ERCC2: variants seen among roughly 807,000 people sequenced by gnomAD.
The protein encoded by ERCC2 is ERCC excision repair 2, TFIIH core complex helicase subunit.
ERCC2 carries 90 observed loss-of-function variants against 99.4 expected under a neutral mutation model. The observed-to-expected ratio is 0.91, with a 90% CI of 0.76 to 1.08. ERCC2 has a LOEUF of 1.08. ERCC2 is among the 50% of genes least tolerant of loss of function. ERCC2 has a pLI of 0.00. For synonymous variants in ERCC2, 497 were observed against 432.4 expected, an observed-to-expected ratio of 1.15 and a Z score of -1.85; for missense variants, 993 against 1,038.1, an observed-to-expected ratio of 0.96 and a Z score of 0.60.
rs767619279 is a variant in ERCC2 at position 45,352,729 on chromosome 19, GAGAC to G, written c.1902+13_1902+16del. The G allele has an allele frequency of 1.2e-6, 2 of 1,614,024 alleles. No homozygotes were observed. The highest frequency in any genetic ancestry group is 1.7e-6 in the Non-Finnish European group (2 of 1,179,968). On this transcript the variant is annotated intron_variant, in intron 20 of 22. Transcript: ENST00000391945. ...ATCCTAACACTGTGGGACTCCCTGG[GAGAC>G]AGAGCTACTCACCTTGAGAATGCGG...
intron 5 of ERCC2, 118 bp from the exon 6 acceptor site, chr19:45,365,276 T>C (rs1972387079): frequency 1.3e-6 from 1 of 776,486 alleles, no homozygotes; most frequent in Non-Finnish European, 2.3e-6. Flanking sequence ...CTCAGTCTGT[T>C]GCATTATTAG....
chr19:45,352,401 G>A lies in ERCC2; in HGVS notation c.2047-49C>T, dbSNP rs369098698. 5.6e-6 allele frequency: 9 copies of A among 1,613,706 alleles called. No homozygotes were observed. The African/African-American group carries it at 1.2e-4, about 22-fold the overall frequency. ...GGACAGAAGGTCATTCGGGGAGCCT[G>A]GGCCACTCTCCACCCTGCAACCCAC... On this transcript the variant is annotated intron_variant, in intron 21 of 22. Transcript: ENST00000391945.
intron 12 of ERCC2, among the ~76,000 whole-genome samples, chr19:45,359,593 T>C (rs2123263794): frequency 6.6e-6 from 1 of 152,270 alleles, no homozygotes; most frequent in South Asian, 2.1e-4. Context: ...CCTCTACTCC[T>C]CTTGTCCCTG....
Position 45,351,662 on chromosome 19 carries a change from C to G in ERCC2, c.2250G>C (p.Leu750=), listed in dbSNP as rs201249108. 6.8e-6 allele frequency: 11 copies of G among 1,614,044 alleles called. No individual in the cohort carries two copies. In the East Asian group the frequency reaches 2.5e-4, roughly 36 times the overall value. The change falls in exon 23 of 23, where the codon CTG becomes CTC. Residue 750 remains leucine, a synonymous_variant. Coordinates refer to ENST00000391945, the MANE Select transcript of ERCC2 (RefSeq NM_000400.4). The part of the protein sequence containing the change: ...SLEQLESEET[L]KRIEQIAQQL The stretch of plus-strand genomic sequence containing the variant: ...GCTGAGCAATCTGCTCTATCCTCTT[C>G]AGCGTCTCCTCTGATTCTAGCTGCT...
At position 45,368,674 on chromosome 19, in the gene ERCC2, C is replaced by G; in HGVS notation, c.316G>C (p.Gly106Arg). ...TTTTTGCGGGAGCTCAGAGCCAGTC[C>G]CAGAAACGGCAGCTTCTCGCCCTCC... Reference protein sequence around the residue: ...KQEGEKLPFLGLALSSRKNLC... With the variant: ...KQEGEKLPFLRLALSSRKNLC... Residue 106 changes from glycine (G) to arginine (R), a missense_variant, in exon 5 of 23, where the codon GGA becomes CGA. Gly to Arg is a moderately radical substitution (Grantham distance 125, BLOSUM62 -2). Around this residue, in one of 3 missense-constraint regions of ERCC2, gnomAD observed 909 missense variants for 930.8 expected, o/e 0.98. Transcript: ENST00000391945. 1 of 1,614,142 alleles carries G rather than the reference C, an allele frequency of 6.2e-7. No individual in the cohort carries two copies. Among genetic ancestry groups the G allele is most frequent in the Non-Finnish European group, 8.5e-7 (1 of 1,179,994 alleles).
At chr19:45,365,555 G>C (rs1317131432) in intron 5 of ERCC2, among the ~76,000 whole-genome samples, 2 of 152,128 alleles carry the variant, frequency 1.3e-5, no homozygotes, top group African/African-American at 4.8e-5. Flanking sequence ...AGGTTGCAGT[G>C]AGCAGAGATC....
At position 45,370,203 on chromosome 19, in the gene ERCC2, A is replaced by G; in HGVS notation, c.35T>C (p.Phe12Ser). The change falls in exon 2 of 23, where the codon TTC becomes TCC. Residue 12 changes from phenylalanine to serine, a missense_variant. Phe to Ser is a radical substitution (Grantham distance 155, BLOSUM62 -2). Transcript: ENST00000391945. ...CTCGGGGTAGATGTAGTCGTACGGG[A>G]AGTAGACCAGGAGCCCGTCCACGTT... ...KLNVDGLLVY[F>S]PYDYIYPEQF... is the part of the protein sequence containing the mutation. 6.2e-7 allele frequency: 1 copy of G among 1,613,386 alleles called. No homozygotes were observed. The highest frequency in any genetic ancestry group is 8.5e-7 in the Non-Finnish European group (1 of 1,179,514).
rs1162235840 is a variant in ERCC2, at chr19:45,363,846, A to T, written c.1015T>A (p.Tyr339Asn). 6.5e-7 allele frequency: 1 copy of T among 1,548,800 alleles called. No individual in the cohort carries two copies. Among genetic ancestry groups the T allele is most frequent in the Non-Finnish European group, 8.7e-7 (1 of 1,154,022 alleles). The change falls in exon 11 of 23, where the codon TAC (tyrosine) becomes AAC (asparagine). Residue 339 changes from tyrosine (Y) to asparagine (N), a missense_variant. Coordinates refer to ENST00000391945, the MANE Select transcript of ERCC2 (RefSeq NM_000400.4). ...FLGFLRRLLE[Y>N]VKWRLRVQHV... ...TGCACACGCAGCCGCCACTTCACGT[A>T]CTCCAGCAGCCGCCTCAGGAAGCCC...
chr19:45,365,957 C>G (rs1972413215), intron 5 of ERCC2, among the ~76,000 whole-genome samples: 1 of 152,106 alleles, frequency 6.6e-6, no homozygotes, highest in Non-Finnish European at 1.5e-5. Flanking sequence ...CCCACTCAGC[C>G]TCCCGAGTAG....
chr19:45,349,901 C>G lies in ERCC2; in HGVS notation c.*1728G>C, dbSNP rs192908789. The G allele has an allele frequency of 2.6e-5, 12 of 457,602 alleles. No homozygotes were observed. In the East Asian group the frequency reaches 3.6e-4, roughly 14 times the overall value. 28.3% of individuals were successfully genotyped at this position (457,602 alleles called of 1,614,324 possible). A position where few individuals can be genotyped will look rare whatever the true frequency, so the allele number is the denominator to read the frequency against. ...TCCCCTCTTAGCCCGGTCCCCACAT[C>G]GCTAGTTCTTATAGCGTCCCTATGA... is the stretch of plus-strand genomic sequence containing the variant. On this transcript the variant is annotated 3_prime_UTR_variant, in exon 23 of 23. Coordinates refer to ENST00000391945, the MANE Select transcript of ERCC2 (RefSeq NM_000400.4).
intron 12 of ERCC2, among the ~76,000 whole-genome samples, chr19:45,359,436 CG>C (rs961205117): frequency 1.9e-4 from 29 of 152,240 alleles, no homozygotes; most frequent in African/African-American, 6.5e-4. Context: ...ACATGAGGCC[CG>C]ATCTGGTTTC....
At chr19:45,355,813 G>GA in intron 15 of ERCC2, 85 bp from the exon 16 acceptor site, 1 of 827,042 alleles carries the variant, frequency 1.2e-6, no homozygotes, top group Non-Finnish European at 1.9e-6. Flanking sequence ...GCTGTTCTAA[G>GA]CTTTTTTTTT....
intron 16 of ERCC2, 116 bp from the exon 17 acceptor site, chr19:45,354,967 T>C (rs1971962456): frequency 1.5e-6 from 2 of 1,331,666 alleles, no homozygotes; most frequent in Non-Finnish European, 2.2e-6. Context: ...TTTTCACACA[T>C]ATCCCCCTCC....
chr19:45,370,078 C>T (rs1972553185), intron 2 of ERCC2, 55 bp downstream of exon 2: 1 of 1,561,276 alleles, frequency 6.4e-7, no homozygotes, highest in African/African-American at 1.4e-5. Context: ...GTCTTAGGCC[C>T]AGGCGTGGCA....
chr19:45,357,770 C>A, intron 12 of ERCC2, 71 bp from the exon 13 acceptor site: 1 of 1,365,530 alleles, frequency 7.3e-7, no homozygotes, highest in Non-Finnish European at 1.0e-6. Context: ...CAGTCATTCC[C>A]TCTCCTGCTC....
intron 11 of ERCC2, among the ~76,000 whole-genome samples, chr19:45,363,257 G>C (rs1282298583): frequency 6.6e-6 from 1 of 152,090 alleles, no homozygotes; most frequent in African/African-American, 2.4e-5. Context: ...TGGAAGATTA[G>C]AGGCATCGGT....
intron 16 of ERCC2, among the ~76,000 whole-genome samples, chr19:45,355,128 G>A (rs561577108): frequency 1.1e-4 from 17 of 152,318 alleles, no homozygotes; most frequent in Non-Finnish European, 1.5e-4. Flanking sequence ...AGGCCGAGGC[G>A]GGTGGATCAT....
chr19:45,352,352 G>C lies in ERCC2; in HGVS notation c.2047C>G (p.Arg683Gly). 6.2e-7 allele frequency: 1 copy of C among 1,613,816 alleles called. No homozygotes were observed. Among genetic ancestry groups the C allele is most frequent in the Non-Finnish European group, 8.5e-7 (1 of 1,179,938 alleles). ...CCCCGCTTGTCCCCACGGGCAAACC[G>C]CTGTGGGCAGAAGCGCAGGCCAGGG... is the stretch of plus-strand genomic sequence containing the variant. ...DYGLMVFADK[R>G]FARGDKRGKL... The change falls in exon 22 of 23, where the codon CGG (arginine) becomes GGG (glycine). Residue 683 changes from arginine to glycine, a missense_variant and splice_region_variant. This residue lies in a region of ERCC2 where 909 missense variants were observed against 930.8 expected (regional missense o/e 0.98). Coordinates refer to ENST00000391945, the MANE Select transcript of ERCC2 (RefSeq NM_000400.4).
chr19:45,367,604 C>T (rs1317652850), intron 5 of ERCC2, among the ~76,000 whole-genome samples: 2 of 151,082 alleles, frequency 1.3e-5, no homozygotes, highest in South Asian at 2.1e-4. Flanking sequence ...TGCAACCTCC[C>T]CCTCGGGAGT....
Sources: allele counts gnomAD v4.1 joint callset (sites outside exome capture counted in the v4.1 genomes callset), GRCh38; gene constraint gnomAD v4.1.1; regional missense constraint gnomAD v4.1.1; transcripts MANE v1.5; gene names NCBI Gene and HGNC (gene_info 2026-07-23, HGNC 2026-07-21).